Variants in APLP2 observed in about 807,000 individuals in gnomAD.
APLP2 encodes CDEI box-binding protein.
APLP2 carries 53 observed loss-of-function variants against 89.9 expected under a neutral mutation model. The observed-to-expected ratio is 0.59, with a 90% CI of 0.47 to 0.74. The LOEUF is 0.74. Among genes scored for constraint, APLP2 ranks in the 30% least tolerant of loss-of-function variants. The pLI, the probability that APLP2 is intolerant of heterozygous loss-of-function variation, is 0.00. For synonymous variants in APLP2, 372 were observed against 348.6 expected (o/e 1.07, Z -0.75); for missense variants, 973 against 975.9 (o/e 1.00, Z 0.04).
intron 1 of APLP2, among the ~76,000 whole-genome samples, chr11:130,074,994 A>C (rs1941852130): frequency 6.6e-6 from 1 of 152,166 alleles, no homozygotes; most frequent in African/African-American, 2.4e-5. Flanking sequence ...AGTTTAATTA[A>C]ATTTAGTGTA....
rs537697754 is a variant in APLP2, at chr11:130,133,827, C to T, written c.1684+99C>T. ...GTAGAGAGAGATGAGCAAGCAAGGC[C>T]GGTGAAGTGGGGCATTAGCACATCC... On this transcript the variant is annotated intron_variant, in intron 12 of 16. Transcript: ENST00000338167. The T allele has an allele frequency of 6.1e-5, 54 of 886,214 alleles. 1 individual carries two copies. Among genetic ancestry groups the T allele is most frequent in the Non-Finnish European group, 8.2e-5 (45 of 546,306 alleles). 54.9% of individuals were successfully genotyped at this position (886,214 alleles called of 1,614,324 possible).
chr11:130,127,064 C>CT (rs34915276), intron 8 of APLP2, among the ~76,000 whole-genome samples: 24,692 of 127,070 alleles, frequency 0.19, 3,011 homozygotes, highest in East Asian at 0.36. Flanking sequence ...ATTATCTGCC[C>CT]TTTTTTTTTT....
At chr11:130,091,539 G>A (rs1195571990) in intron 1 of APLP2, among the ~76,000 whole-genome samples, 20 of 139,104 alleles carry the variant, frequency 1.4e-4, no homozygotes, top group East Asian at 2.4e-4. Context: ...GGCCGGGCGG[G>A]GGGCTGACCC....
At chr11:130,129,387 G>A (rs1272925355) in intron 10 of APLP2, among the ~76,000 whole-genome samples, 181 bp downstream of exon 10, 1 of 152,216 alleles carries the variant, frequency 6.6e-6, no homozygotes, top group Non-Finnish European at 1.5e-5. Context: ...AGCTAAGCAT[G>A]ACATCGCTTT....
At chr11:130,121,026 C>G (rs1434345664) in intron 4 of APLP2, among the ~76,000 whole-genome samples, 1 of 152,114 alleles carries the variant, frequency 6.6e-6, no homozygotes, top group African/African-American at 2.4e-5. Flanking sequence ...ACAGTCAGCT[C>G]CTGAAGTTGA....
chr11:130,118,110 A>G (rs12269733), intron 3 of APLP2, among the ~76,000 whole-genome samples: 31,255 of 150,498 alleles, frequency 0.21, 5,267 homozygotes, highest in African/African-American at 0.46. Context: ...TTGTGTTTCT[A>G]TAGAATATAG....
chr11:130,142,101 G>T (rs754707502), intron 16 of APLP2, 27 bp downstream of exon 16: 18 of 1,593,290 alleles, frequency 1.1e-5, no homozygotes, highest in Non-Finnish European at 1.1e-5. Context: ...CTGAGGGCCT[G>T]CTCTGCACTG....
chr11:130,096,575 A>G (rs1482268172), intron 1 of APLP2, among the ~76,000 whole-genome samples: 4 of 152,102 alleles, frequency 2.6e-5, no homozygotes, highest in Admixed American at 1.3e-4. Context: ...AAAATTAGCC[A>G]GGTGTGGTGC....
intron 1 of APLP2, among the ~76,000 whole-genome samples, chr11:130,084,497 T>G (rs887468822): frequency 2.6e-5 from 4 of 152,212 alleles, no homozygotes; most frequent in Non-Finnish European, 5.9e-5. Context: ...TTCTTTTTTT[T>G]GTAGTGTCTT....
intron 13 of APLP2, 89 bp downstream of exon 13, chr11:130,135,804 T>A (rs908004374): frequency 2.0e-6 from 3 of 1,499,214 alleles, no homozygotes; most frequent in Non-Finnish European, 2.7e-6. Flanking sequence ...CCAAATTGAG[T>A]TGGGAGATGG....
intron 1 of APLP2, among the ~76,000 whole-genome samples, chr11:130,083,029 T>TTTTTTC (rs1943493124): frequency 9.5e-6 from 1 of 104,714 alleles, no homozygotes; most frequent in East Asian, 2.2e-4. Context: ...TTCTTTTCTT[T>TTTTTTC]TTTTTTTTTT....
At chr11:130,128,613 T>G (rs1361808057) in intron 9 of APLP2, among the ~76,000 whole-genome samples, 1 of 152,226 alleles carries the variant, frequency 6.6e-6, no homozygotes, top group Non-Finnish European at 1.5e-5. Context: ...AAATCACAAT[T>G]ACTTTTGCAC....
At chr11:130,108,409 A>G (rs941942873) in intron 1 of APLP2, among the ~76,000 whole-genome samples, 14 of 152,364 alleles carry the variant, frequency 9.2e-5, no homozygotes, top group Middle Eastern at 3.4e-3. Context: ...ATGAACAGAC[A>G]CTTCTCAAAA....
chr11:130,143,448 G>C lies in APLP2; in HGVS notation c.2256G>C (p.Ter752TyrextTer38), dbSNP rs775596502. Reference protein sequence around the residue: ...TYKYLEQMQI* With the variant: ...TYKYLEQMQIY The stretch of plus-strand genomic sequence containing the variant: ...AATACCTGGAGCAGATGCAGATTTA[G>C]GTGGCAGGGAGCGCGGCAGCCCTGG... The change falls in exon 17 of 17, where the codon TAG becomes TAC. Residue 752 changes from the stop codon to tyrosine (Y), a stop_lost. Transcript: ENST00000338167. 6.2e-7 allele frequency: 1 copy of C among 1,613,524 alleles called. No individual in the cohort carries two copies. The highest frequency in any genetic ancestry group is 1.3e-5 in the African/African-American group (1 of 74,896).
intron 1 of APLP2, among the ~76,000 whole-genome samples, chr11:130,101,191 T>G (rs896680367): frequency 1.3e-5 from 2 of 152,212 alleles, no homozygotes; most frequent in East Asian, 1.9e-4. Context: ...TGTTGTTGTT[T>G]TTTGAGATGG....
intron 1 of APLP2, among the ~76,000 whole-genome samples, chr11:130,075,507 G>A (rs1941968976): frequency 6.6e-6 from 1 of 152,036 alleles, no homozygotes; most frequent in African/African-American, 2.4e-5. Flanking sequence ...TTTACTTTGC[G>A]AAACACACTC....
At chr11:130,142,123 G>C (rs753402950) in intron 16 of APLP2, 49 bp downstream of exon 16, 3 of 1,545,438 alleles carry the variant, frequency 1.9e-6, no homozygotes, top group East Asian at 4.7e-5. Context: ...GGGCTGGGTT[G>C]GGGGTGGGAA....
At chr11:130,135,402 G>C (rs534119321) in intron 12 of APLP2, among the ~76,000 whole-genome samples, 161 bp from the exon 13 acceptor site, 1 of 152,250 alleles carries the variant, frequency 6.6e-6, no homozygotes, top group African/African-American at 2.4e-5. Flanking sequence ...CGGCGCCCTG[G>C]GGTCCCTGGT....
intron 1 of APLP2, among the ~76,000 whole-genome samples, chr11:130,081,365 A>G (rs955242089): frequency 2.6e-5 from 4 of 152,208 alleles, no homozygotes; most frequent in Non-Finnish European, 5.9e-5. Context: ...GAGTTATTGC[A>G]TAGGGATGTT....
Sources: gnomAD v4.1 joint callset for allele counts (sites outside exome capture counted in the v4.1 genomes callset) on GRCh38, gnomAD v4.1.1 for gene constraint, MANE v1.5 for transcripts, NCBI Gene and HGNC (gene_info 2026-07-23, HGNC 2026-07-21) for gene names.